The following LARGE1 variants were observed in gnomAD, a reference collection of about 807,000 sequenced individuals.
LARGE1 encodes LARGE xylosyl- and glucuronyltransferase 1.
In LARGE1, 43 loss-of-function variants were observed where a neutral mutation model predicts 87.6. That is an observed-to-expected ratio of 0.49 (90% CI 0.38 to 0.63). The LOEUF is 0.63. Ranked by LOEUF, LARGE1 falls within the 30% of genes least tolerant of loss-of-function variation. The pLI, the probability that LARGE1 is intolerant of heterozygous loss-of-function variation, is 0.00. For missense variants in LARGE1, 802 were observed against 1,000.2 expected, an observed-to-expected ratio of 0.80 and a Z score of 2.67; for synonymous variants, 434 against 394.6, an observed-to-expected ratio of 1.10 and a Z score of -1.18.
chr22:33,275,312 C>A (rs1411363166), intron 14 of LARGE1, among the ~76,000 whole-genome samples: 1 of 152,182 alleles, frequency 6.6e-6, no homozygotes, highest in Non-Finnish European at 1.5e-5. Flanking sequence ...TAGGTCATAT[C>A]GCTTAGAGGA....
At chr22:33,865,097 A>G (rs1390759425) in intron 1 of LARGE1, among the ~76,000 whole-genome samples, 3 of 152,218 alleles carry the variant, frequency 2.0e-5, no homozygotes, top group Non-Finnish European at 4.4e-5. Flanking sequence ...ACTGTGGAAC[A>G]GAATTCAGTG....
intron 9 of LARGE1, among the ~76,000 whole-genome samples, chr22:33,362,559 C>A (rs762117527): frequency 1.3e-5 from 2 of 149,960 alleles, no homozygotes; most frequent in Admixed American, 6.6e-5. Flanking sequence ...GTAAGCCTCT[C>A]GCTAGTAGGA....
intron 11 of LARGE1, among the ~76,000 whole-genome samples, chr22:33,169,705 G>T (rs1033954208): frequency 1.3e-5 from 2 of 152,018 alleles, no homozygotes; most frequent in Non-Finnish European, 1.5e-5. Context: ...CAAAAAATTA[G>T]CTGGGTGTGG....
At chr22:33,217,694 A>G (rs5994700) in intron 11 of LARGE1, among the ~76,000 whole-genome samples, 4,000 of 152,232 alleles carry the variant, frequency 0.026, 169 homozygotes, top group African/African-American at 0.089. Context: ...GAGTATACAG[A>G]GGACTTCAAC....
At chr22:33,802,963 G>C (rs1191827455) in intron 1 of LARGE1, among the ~76,000 whole-genome samples, 1 of 152,166 alleles carries the variant, frequency 6.6e-6, no homozygotes, top group Admixed American at 6.5e-5. Flanking sequence ...CAGATAGATG[G>C]GTGGGTGAGT....
At chr22:33,703,513 A>G (rs1174287095) in intron 2 of LARGE1, among the ~76,000 whole-genome samples, 1 of 152,236 alleles carries the variant, frequency 6.6e-6, no homozygotes, top group Non-Finnish European at 1.5e-5. Flanking sequence ...AAAGACCTAG[A>G]GGTGGAAGAT....
intron 2 of LARGE1, chr22:33,724,046 G>C (rs535020811): frequency 2.0e-5 from 3 of 153,002 alleles, no homozygotes; most frequent in Non-Finnish European, 2.9e-5. Context: ...GGAGAGGAGA[G>C]TGTGAATAGG....
At chr22:33,339,052 G>A (rs1224998464) in intron 9 of LARGE1, among the ~76,000 whole-genome samples, 1 of 151,824 alleles carries the variant, frequency 6.6e-6, no homozygotes, top group Non-Finnish European at 1.5e-5. Context: ...GGAGGCTGAG[G>A]CAAGAGAATC....
chr22:33,117,045 G>A, the LARGE1 span, among the ~76,000 whole-genome samples: 15 of 152,208 alleles, frequency 9.9e-5, no homozygotes, highest in African/African-American at 3.4e-4. Flanking sequence ...TGTGGTGAGT[G>A]AGTCACAGGA....
intron 10 of LARGE1, among the ~76,000 whole-genome samples, chr22:33,334,549 A>T (rs1938201514): frequency 6.6e-6 from 1 of 152,182 alleles, no homozygotes; most frequent in African/African-American, 2.4e-5. Context: ...ATTTAAACAC[A>T]GAGGGTCAGG....
At chr22:33,761,884 TTATGTACCACG>T (rs1160026350) in intron 1 of LARGE1, among the ~76,000 whole-genome samples, 1 of 151,992 alleles carries the variant, frequency 6.6e-6, no homozygotes, top group Non-Finnish European at 1.5e-5. Flanking sequence ...TTAGCACCTG[TTATGTACCACG>T]TATGAACCAC....
the LARGE1 span, among the ~76,000 whole-genome samples, chr22:33,090,680 T>C: frequency 6.6e-6 from 1 of 152,186 alleles, no homozygotes; most frequent in African/African-American, 2.4e-5. Flanking sequence ...ACAAAATTAT[T>C]TGGGGACACA....
At chr22:33,764,922 CAGTT>C (rs550273780) in intron 1 of LARGE1, among the ~76,000 whole-genome samples, 71 of 152,262 alleles carry the variant, frequency 4.7e-4, no homozygotes, top group Non-Finnish European at 7.8e-4. Flanking sequence ...CTTTCAATCA[CAGTT>C]GGTTGAATCT....
At chr22:33,907,666 C>T (rs1002807955) in intron 1 of LARGE1, among the ~76,000 whole-genome samples, 1 of 152,014 alleles carries the variant, frequency 6.6e-6, no homozygotes, top group African/African-American at 2.4e-5. Context: ...CTCCCGGGTT[C>T]ACACCATTCT....
intron 6 of LARGE1, among the ~76,000 whole-genome samples, chr22:33,542,213 T>C (rs1054213929): frequency 6.7e-6 from 1 of 150,192 alleles, no homozygotes; most frequent in African/African-American, 2.4e-5. Context: ...TTGTAACTGC[T>C]ACCAGATCTG....
chr22:33,142,792 C>G, the LARGE1 span, among the ~76,000 whole-genome samples: 1 of 152,196 alleles, frequency 6.6e-6, no homozygotes, highest in Non-Finnish European at 1.5e-5. Context: ...AAGGCTCACC[C>G]TCAATTAATT....
chr22:33,247,106 A>G (rs1204800709), intron 11 of LARGE1, among the ~76,000 whole-genome samples: 5 of 151,040 alleles, frequency 3.3e-5, no homozygotes, highest in African/African-American at 1.2e-4. Flanking sequence ...TCAGTGTGGT[A>G]TGTTAAGAAA....
At chr22:33,873,013 A>C (rs550744940) in intron 1 of LARGE1, 1 of 151,098 alleles carries the variant, frequency 6.6e-6, no homozygotes, top group African/African-American at 2.4e-5. Context: ...AAAAAAAAAT[A>C]AATAAAGCCA....
chr22:33,687,382 C>T (rs1438414460), intron 2 of LARGE1, among the ~76,000 whole-genome samples: 1 of 139,792 alleles, frequency 7.2e-6, no homozygotes, highest in Non-Finnish European at 1.5e-5. Context: ...CTTTACCTTG[C>T]TGCTTTTTTT....
Sources: allele counts gnomAD v4.1 joint callset (sites outside exome capture counted in the v4.1 genomes callset), GRCh38; gene constraint gnomAD v4.1.1; transcripts MANE v1.5; gene names NCBI Gene and HGNC (gene_info 2026-07-23, HGNC 2026-07-21).